The following SRCIN1 variants were observed in gnomAD, a reference collection of about 807,000 sequenced individuals.
SRCIN1 encodes SRC kinase signaling inhibitor 1.
In SRCIN1, 50 loss-of-function variants were observed where a neutral mutation model predicts 116.2. The ratio of observed to expected loss-of-function variants is 0.43; its 90% confidence interval spans 0.34 to 0.54. The LOEUF (loss-of-function observed/expected upper bound fraction) is 0.54, where lower values mean the gene tolerates loss of function less well. Among genes scored for constraint, SRCIN1 ranks in the 20% least tolerant of loss-of-function variants. The probability of loss-of-function intolerance (pLI) is 0.02; values close to 1 mark genes in which losing one functional copy is unlikely to be tolerated. For synonymous variants in SRCIN1, 736 were observed against 750.0 expected (o/e 0.98, Z 0.30); for missense variants, 1,446 against 1,672.0 (o/e 0.86, Z 2.36).
At position 38,562,740 on chromosome 17, in the gene SRCIN1, T is replaced by C; in HGVS notation, c.834+87A>G. Reference sequence around the variant, plus strand: ...ATGCTGTCTTCTCCAAAGCTGGCCCTGGTTCCAGATGACAACTGCCCAGAC... The same window carrying C: ...ATGCTGTCTTCTCCAAAGCTGGCCCCGGTTCCAGATGACAACTGCCCAGAC... On this transcript the variant is annotated intron_variant, in intron 6 of 18. Coordinates refer to ENST00000617146, the MANE Select transcript of SRCIN1 (RefSeq NM_025248.3). This position sits in a 1 kb window ranked among gnomAD's most constrained non-coding sequence, Gnocchi z 4.2. The C allele has an allele frequency of 8.2e-7, 1 of 1,212,206 alleles. No individual in the cohort carries two copies. Among genetic ancestry groups the C allele is most frequent in the Non-Finnish European group, 1.2e-6 (1 of 847,046 alleles). 75.1% of individuals were successfully genotyped at this position (1,212,206 alleles called of 1,614,324 possible).
chr17:38,564,338 G>A, intron 3 of SRCIN1, 25 bp from the exon 4 acceptor site: 3 of 1,506,124 alleles, frequency 2.0e-6, no homozygotes, highest in Non-Finnish European at 2.7e-6. Context: ...CAGGGTGAGA[G>A]GAACCAAGGA....
rs1055588002 is a variant in SRCIN1 at position 38,544,175 on chromosome 17, G to A, written c.3271-206C>T. 2.0e-5 allele frequency among the ~76,000 whole-genome samples: 3 copies of A among 152,128 alleles called. No individual in the cohort carries two copies. The highest frequency in any genetic ancestry group is 4.4e-5 in the Non-Finnish European group (3 of 68,014). ...CTTATGGTCTCCCTGCAGGAGAGGGGTGGGGCCCAAGCCAGTTTCCCAACG... is the reference window on the plus strand; with the variant it reads ...CTTATGGTCTCCCTGCAGGAGAGGGATGGGGCCCAAGCCAGTTTCCCAACG... On this transcript the variant is annotated intron_variant, in intron 17 of 18. Coordinates refer to ENST00000617146, the MANE Select transcript of SRCIN1 (RefSeq NM_025248.3). This position sits in a 1 kb window ranked among gnomAD's most constrained non-coding sequence, Gnocchi z 4.5.
In SRCIN1 at chr17:38,533,298, TAGA is replaced by T; in HGVS notation, c.3548_3550del (p.Phe1183del). The T allele has an allele frequency of 1.9e-6, 3 of 1,555,030 alleles. No individual in the cohort carries two copies. Among genetic ancestry groups the T allele is most frequent in the South Asian group, 1.2e-5 (1 of 84,638 alleles). On this transcript the variant is annotated inframe_deletion, in exon 19 of 19. Transcript: ENST00000617146. ...GCGGGGCAGCGGGGTGAGGGGCTTC[TAGA>T]AGGAGATGGAAGAATTCCTTGCCCC...
At chr17:38,550,754 G>C (rs1376399934) in intron 15 of SRCIN1, among the ~76,000 whole-genome samples, 1 of 152,250 alleles carries the variant, frequency 6.6e-6, no homozygotes, top group East Asian at 1.9e-4. Flanking sequence ...TTCTGGTCTG[G>C]ATTTCTGCCA....
rs2040936800 is a variant in SRCIN1, at chr17:38,532,587, G to A, written c.*710C>T. ...GGCCCAGGAGGCCAGCGCCTCCCCA[G>A]GGATACAGACTCCATGGCCTCACAC... On this transcript the variant is annotated 3_prime_UTR_variant, in exon 19 of 19. Transcript: ENST00000617146. The surrounding 1 kb of genome is among the most constrained non-coding windows in gnomAD (Gnocchi z 4.3). 6.6e-6 allele frequency: 1 copy of A among 152,456 alleles called. No individual in the cohort carries two copies. The highest frequency in any genetic ancestry group is 2.4e-5 in the African/African-American group (1 of 41,462). The allele number at this position is 152,456 out of a possible 1,614,324, so 9.4% of individuals were successfully genotyped here. A position where few individuals can be genotyped will look rare whatever the true frequency, so the allele number is the denominator to read the frequency against.
At chr17:38,587,389 G>A (rs923720822) in intron 1 of SRCIN1, among the ~76,000 whole-genome samples, 3 of 151,850 alleles carry the variant, frequency 2.0e-5, no homozygotes, top group South Asian at 2.1e-4. Context: ...TGGTGGTGAG[G>A]TGGGGCCTCC....
intron 2 of SRCIN1, among the ~76,000 whole-genome samples, chr17:38,575,302 T>C (rs1057434998): frequency 2.6e-5 from 4 of 152,094 alleles, no homozygotes; most frequent in Admixed American, 6.5e-5. Flanking sequence ...CAGGCTGGAG[T>C]GCAGTGGCAC....
At chr17:38,557,220 G>A (rs972515878) in intron 11 of SRCIN1, among the ~76,000 whole-genome samples, 2 of 152,248 alleles carry the variant, frequency 1.3e-5, no homozygotes, top group Non-Finnish European at 2.9e-5. Flanking sequence ...GGAGCCCGTC[G>A]CAAGAGGCTC....
At chr17:38,593,100 A>G (rs1191659906) in intron 1 of SRCIN1, among the ~76,000 whole-genome samples, 1 of 152,184 alleles carries the variant, frequency 6.6e-6, no homozygotes, top group African/African-American at 2.4e-5. Context: ...AGGTTACATT[A>G]GGAGCCACCA....
chr17:38,601,671 C>CAA (rs1323191328), intron 1 of SRCIN1, among the ~76,000 whole-genome samples: 1 of 151,918 alleles, frequency 6.6e-6, no homozygotes, highest in African/African-American at 2.4e-5. Context: ...CGCACACACA[C>CAA]ACACACACAC....
chr17:38,559,754 C>A lies in SRCIN1; in HGVS notation c.1856G>T (p.Arg619Leu). The A allele has an allele frequency of 6.6e-7, 1 of 1,522,960 alleles. No homozygotes were observed. The highest frequency in any genetic ancestry group is 2.4e-5 in the East Asian group (1 of 42,332). The allele number at this position is 1,522,960 out of a possible 1,614,324, so 94.3% of individuals were successfully genotyped here. A position where few individuals can be genotyped will look rare whatever the true frequency, so the allele number is the denominator to read the frequency against. ...TPSAPCGSGGRSSGATPVSGP... is the reference protein window; with the variant it reads ...TPSAPCGSGGLSSGATPVSGP... ...GGACACCGGGGTGGCCCCGCTGCTCCGGCCGCCTGACCCACAGGCTGCAGA... is the reference window on the plus strand; with the variant it reads ...GGACACCGGGGTGGCCCCGCTGCTCAGGCCGCCTGACCCACAGGCTGCAGA... Residue 619 changes from arginine (R) to leucine (L), a missense_variant, in exon 10 of 19, where the codon CGG becomes CTG. Transcript: ENST00000617146.
Position 38,581,135 on chromosome 17 carries a change from G to A in SRCIN1, c.23-2344C>T, listed in dbSNP as rs574687739. On this transcript the variant is annotated intron_variant, in intron 1 of 18. Transcript: ENST00000617146. ...AAAGTGTGAGCCGCGGACCAGGCAC[G>A]ATGACTCATACCTGTAATCCCAGCA... Among the ~76,000 whole-genome samples, 12 of 151,998 alleles carry A rather than the reference G, an allele frequency of 7.9e-5. No individual in the cohort carries two copies. The South Asian group carries it at 1.3e-3, about 16-fold the overall frequency.
chr17:38,551,217 G>T lies in SRCIN1; in HGVS notation c.2900C>A (p.Pro967His), dbSNP rs1025704047. Residue 967 changes from proline to histidine, a missense_variant, in exon 15 of 19, where the codon CCC becomes CAC. Physicochemically the swap from Pro to His is moderately conservative, Grantham distance 77 (BLOSUM62 -2). Transcript: ENST00000617146. ...TGCCTTCTGGCCGTGGGGGGCCTTG[G>T]GGGGCTTGTGATCTGGAGTGGGGGC... Reference protein sequence around the residue: ...GPAPTPDHKPPKAPHGQKAAP... With the variant: ...GPAPTPDHKPHKAPHGQKAAP... 1.2e-6 allele frequency: 2 copies of T among 1,606,970 alleles called. No individual in the cohort carries two copies. Among genetic ancestry groups the T allele is most frequent in the Middle Eastern group, 1.7e-4 (1 of 6,052 alleles).
chr17:38,598,988 AGT>A (rs140186252), intron 1 of SRCIN1, among the ~76,000 whole-genome samples: 10 of 151,764 alleles, frequency 6.6e-5, no homozygotes, highest in African/African-American at 2.2e-4. Context: ...GTAAGGCATG[AGT>A]GTGTGTGTGT....
intron 10 of SRCIN1, 34 bp downstream of exon 10, chr17:38,559,551 C>A (rs1339653628): frequency 6.3e-7 from 1 of 1,584,128 alleles, no homozygotes; most frequent in South Asian, 1.1e-5. Flanking sequence ...AGTAGGTGGG[C>A]GTTGGTGGGG....
In SRCIN1 at chr17:38,561,381, A is replaced by G. The variant is rs868706667; in HGVS notation, c.1700+82T>C. On this transcript the variant is annotated intron_variant, in intron 7 of 18. Coordinates refer to ENST00000617146, the MANE Select transcript of SRCIN1 (RefSeq NM_025248.3). Reference sequence around the variant, plus strand: ...TCCAGGATCTCAGTCCAGGACACACACCTGCCACGGACTCTGCTGTGAACC... The same window carrying G: ...TCCAGGATCTCAGTCCAGGACACACGCCTGCCACGGACTCTGCTGTGAACC... The G allele has an allele frequency of 9.3e-6, 13 of 1,393,620 alleles. No homozygotes were observed. The African/African-American group carries it at 1.4e-4, about 15-fold the overall frequency. 86.3% of individuals were successfully genotyped at this position (1,393,620 alleles called of 1,614,324 possible).
chr17:38,571,099 T>C (rs1485147804), intron 2 of SRCIN1, among the ~76,000 whole-genome samples: 3 of 152,210 alleles, frequency 2.0e-5, no homozygotes, highest in South Asian at 2.1e-4. Context: ...GGGGGAGGCC[T>C]CTGGGGATAT....
intron 18 of SRCIN1, among the ~76,000 whole-genome samples, chr17:38,537,003 G>A (rs1033318545): frequency 2.0e-5 from 3 of 150,640 alleles, no homozygotes; most frequent in African/African-American, 4.9e-5. Flanking sequence ...ACAGTGAAAC[G>A]CCAACTCTAC....
At position 38,552,041 on chromosome 17, in the gene SRCIN1, C is replaced by T. The variant is rs7222929; in HGVS notation, c.2572G>A (p.Val858Met). 8.9e-3 allele frequency: 14,313 copies of T among 1,613,836 alleles called. 984 individuals are homozygous for T. In the African/African-American group the frequency reaches 0.16, roughly 18 times the overall value. ...CTGGGGGGTGGCATTTCGAAGTCCA[C>T]GCTCTTGTTGAAGTCAGTCTCTGCC... is the stretch of plus-strand genomic sequence containing the variant. Reference protein sequence around the residue: ...VTAETDFNKSVDFEMPPPSPP... With the variant: ...VTAETDFNKSMDFEMPPPSPP... The change falls in exon 14 of 19, where the codon GTG (valine) becomes ATG (methionine). Residue 858 changes from valine to methionine, a missense_variant. Coordinates refer to ENST00000617146, the MANE Select transcript of SRCIN1 (RefSeq NM_025248.3). This position sits in a 1 kb window ranked among gnomAD's most constrained non-coding sequence, Gnocchi z 5.3.
Sources: allele counts gnomAD v4.1 joint callset (sites outside exome capture counted in the v4.1 genomes callset), GRCh38; gene constraint gnomAD v4.1.1; non-coding constraint Gnocchi (gnomAD v3.1); transcripts MANE v1.5; gene names NCBI Gene and HGNC (gene_info 2026-07-23, HGNC 2026-07-21).